CDH13: variants seen among roughly 807,000 people sequenced by gnomAD.
CDH13 encodes cadherin 13, also known as cadherin-13.
Under a neutral mutation model 63.8 loss-of-function variants are expected in CDH13, and 24 were observed. The observed-to-expected ratio is 0.38, with a 90% confidence interval of 0.27 to 0.53. CDH13 has a LOEUF of 0.53. Among genes scored for constraint, CDH13 ranks in the 20% least tolerant of loss-of-function variants. The pLI is 0.85. For missense variants in CDH13, 1,049 were observed against 903.1 expected, an observed-to-expected ratio of 1.16 and a Z score of -2.07; for synonymous variants, 503 against 355.3, an observed-to-expected ratio of 1.42 and a Z score of -4.67.
At chr16:83,325,103 G>T (rs1336697994) in intron 5 of CDH13, among the ~76,000 whole-genome samples, 1 of 152,120 alleles carries the variant, frequency 6.6e-6, no homozygotes, top group African/African-American at 2.4e-5. Context: ...ATCTAAATGG[G>T]ATCTCGTTAT....
rs546632204 is a variant in CDH13 at position 83,490,004 on chromosome 16, A to T, written c.960+3349A>T. Among the ~76,000 whole-genome samples, 313 of 124,828 alleles carry T rather than the reference A, an allele frequency of 2.5e-3. 1 individual carries two copies. The highest frequency in any genetic ancestry group is 3.2e-3 in the Non-Finnish European group (192 of 60,712). The allele number at this position is 124,828 out of a possible 152,430, so 81.9% of individuals were successfully genotyped here. ...AAACTCCTTCAAGAGCAGGAGCTGC[A>T]GAAACCACACACACACACACACACA... On this transcript the variant is annotated intron_variant, in intron 7 of 13. Transcript: ENST00000567109.
chr16:83,236,241 A>ACACACG lies in CDH13; in HGVS notation c.636+18749_636+18750insGCACAC, dbSNP rs756061957. The stretch of plus-strand genomic sequence containing the variant: ...CCCTGCAACACACACGCACATGCAC[A>ACACACG]CACACACACACACACACACACATAG... On this transcript the variant is annotated intron_variant, in intron 5 of 13. Coordinates refer to ENST00000567109, the MANE Select transcript of CDH13 (RefSeq NM_001257.5). 1.8e-3 allele frequency among the ~76,000 whole-genome samples: 280 copies of ACACACG among 151,494 alleles called. 1 individual carries two copies. Among genetic ancestry groups the ACACACG allele is most frequent in the Middle Eastern group, 3.4e-3 (1 of 290 alleles).
intron 1 of CDH13, among the ~76,000 whole-genome samples, chr16:82,832,954 T>C (rs2038609337): frequency 6.6e-6 from 1 of 152,198 alleles, no homozygotes; most frequent in Non-Finnish European, 1.5e-5. Context: ...GGATCCAGCC[T>C]ACATCATAGA....
intron 4 of CDH13, among the ~76,000 whole-genome samples, chr16:83,182,257 G>C (rs749307080): frequency 6.6e-6 from 1 of 152,080 alleles, no homozygotes; most frequent in Non-Finnish European, 1.5e-5. Context: ...TGGATCTTTC[G>C]CTAAAGACTG....
At chr16:83,687,993 G>A (rs761697572) in intron 10 of CDH13, among the ~76,000 whole-genome samples, 18 of 152,150 alleles carry the variant, frequency 1.2e-4, no homozygotes, top group Non-Finnish European at 2.2e-4. Context: ...TGACCTGGAT[G>A]CTTTTTAACT....
chr16:83,657,042 T>C (rs754628366), intron 8 of CDH13, among the ~76,000 whole-genome samples: 9 of 152,224 alleles, frequency 5.9e-5, no homozygotes, highest in Non-Finnish European at 8.8e-5. Context: ...GGGCACTCAG[T>C]TGGGCTTCAC....
chr16:83,308,054 A>T (rs1425893652), intron 5 of CDH13, among the ~76,000 whole-genome samples: 1 of 152,228 alleles, frequency 6.6e-6, no homozygotes, highest in Non-Finnish European at 1.5e-5. Flanking sequence ...AAGCCAAATA[A>T]CTAATTGTAA....
At chr16:83,428,980 A>G (rs1331624546) in intron 6 of CDH13, among the ~76,000 whole-genome samples, 1 of 152,220 alleles carries the variant, frequency 6.6e-6, no homozygotes, top group African/African-American at 2.4e-5. Flanking sequence ...GTCAAGGGGC[A>G]CAAATATCTT....
intron 8 of CDH13, among the ~76,000 whole-genome samples, chr16:83,603,996 C>T (rs565332462): frequency 6.6e-6 from 1 of 152,082 alleles, no homozygotes; most frequent in African/African-American, 2.4e-5. Flanking sequence ...TATCATGAGA[C>T]AGCACTAGGG....
rs552050655 is a variant in CDH13, at chr16:82,923,400, T to C, written c.157+64927T>C. 1.2e-3 allele frequency among the ~76,000 whole-genome samples: 180 copies of C among 152,356 alleles called. 2 individuals carry two copies. Among genetic ancestry groups the C allele is most frequent in the African/African-American group, 4.1e-3 (170 of 41,598 alleles). The stretch of plus-strand genomic sequence containing the variant: ...AGCATATTTACTGCTGTTATTGTTC[T>C]TAAGACTTTAGAGAGGAATAAAGCC... On this transcript the variant is annotated intron_variant, in intron 2 of 13. Transcript: ENST00000567109.
intron 7 of CDH13, among the ~76,000 whole-genome samples, chr16:83,558,226 A>G (rs2075639613): frequency 6.6e-6 from 1 of 152,190 alleles, no homozygotes; most frequent in African/African-American, 2.4e-5. Context: ...GAGTGAACCT[A>G]CATTGTTTAT....
intron 5 of CDH13, among the ~76,000 whole-genome samples, chr16:83,273,219 G>T (rs1238677982): frequency 6.6e-6 from 1 of 151,998 alleles, no homozygotes; most frequent in Non-Finnish European, 1.5e-5. Flanking sequence ...TACATGTGCA[G>T]GTTTGTTACG....
chr16:83,631,636 C>T (rs1485639449), intron 8 of CDH13, among the ~76,000 whole-genome samples: 4 of 152,010 alleles, frequency 2.6e-5, no homozygotes, highest in Admixed American at 1.3e-4. Context: ...CTCCAGGATG[C>T]GCCAACGAGA....
intron 5 of CDH13, among the ~76,000 whole-genome samples, chr16:83,254,214 G>T (rs1373610119): frequency 6.6e-6 from 1 of 152,172 alleles, no homozygotes; most frequent in Non-Finnish European, 1.5e-5. Context: ...TCCCCACCTG[G>T]GGATTGGGAA....
intron 10 of CDH13, among the ~76,000 whole-genome samples, chr16:83,743,295 T>C (rs910296177): frequency 1.3e-5 from 2 of 152,348 alleles, no homozygotes; most frequent in Middle Eastern, 6.8e-3. Flanking sequence ...GATACTTGAT[T>C]ATTTTTTTAA....
chr16:82,719,802 C>T (rs997532283), intron 1 of CDH13, among the ~76,000 whole-genome samples: 14 of 145,532 alleles, frequency 9.6e-5, no homozygotes, highest in Admixed American at 2.1e-4. Flanking sequence ...GCCAAGATCA[C>T]GCCACTGCAC....
At chr16:83,219,190 A>C (rs1258943280) in intron 5 of CDH13, among the ~76,000 whole-genome samples, 1 of 152,192 alleles carries the variant, frequency 6.6e-6, no homozygotes, top group Non-Finnish European at 1.5e-5. Flanking sequence ...CTTGTCCATA[A>C]AGTATGATTA....
At chr16:83,072,497 C>G (rs767999578) in intron 3 of CDH13, among the ~76,000 whole-genome samples, 21 of 152,166 alleles carry the variant, frequency 1.4e-4, no homozygotes, top group African/African-American at 4.6e-4. Context: ...CCTGTCCTCT[C>G]TGCAACCAGC....
At position 83,216,397 on chromosome 16, in the gene CDH13, AATATATATATATATATATATATATAT is replaced by A. The variant is rs1158270310; in HGVS notation, c.484-926_484-901del. Among the ~76,000 whole-genome samples, 93 of 16,108 alleles carry A rather than the reference AATATATATATATATATATATATATAT, an allele frequency of 5.8e-3. 5 individuals carry two copies. The East Asian group carries it at 0.12, about 21-fold the overall frequency. 10.6% of individuals were successfully genotyped at this position (16,108 alleles called of 152,430 possible). ...TAATGTCCTCTGCCTCCAGCATTGA[AATATATATATATATATATATATATAT>A]ATATATATATATATATATATACACA... On this transcript the variant is annotated intron_variant, in intron 4 of 13. Coordinates refer to ENST00000567109, the MANE Select transcript of CDH13 (RefSeq NM_001257.5).
Sources: allele counts gnomAD v4.1 joint callset (sites outside exome capture counted in the v4.1 genomes callset), GRCh38; gene constraint gnomAD v4.1.1; transcripts MANE v1.5; gene names NCBI Gene and HGNC (gene_info 2026-07-23, HGNC 2026-07-21).